The following NBAS variants were observed in gnomAD, a reference collection of about 807,000 sequenced individuals.
NBAS encodes NAG/BC035112 fusion.
In NBAS, 219 loss-of-function variants were observed where a neutral mutation model predicts 302.5. The ratio of observed to expected loss-of-function variants is 0.72; its 90% CI spans 0.65 to 0.81. NBAS has a LOEUF of 0.81. NBAS is among the 30% of genes least tolerant of loss of function. The pLI is 0.00. For synonymous variants in NBAS, 1,118 were observed against 1,021.6 expected (o/e 1.09, Z -1.80); for missense variants, 2,932 against 2,841.6 (o/e 1.03, Z -0.72).
intron 48 of NBAS, among the ~76,000 whole-genome samples, chr2:15,217,307 C>G (rs933132555): frequency 2.0e-5 from 3 of 152,222 alleles, no homozygotes; most frequent in African/African-American, 7.2e-5. Context: ...TTTGATAGGT[C>G]TATCTTTTTT....
chr2:15,289,738 C>T (rs1670216326), intron 41 of NBAS, among the ~76,000 whole-genome samples: 1 of 152,156 alleles, frequency 6.6e-6, no homozygotes, highest in Admixed American at 6.5e-5. Flanking sequence ...TGGCTCATGC[C>T]TGTAATCCTA....
intron 7 of NBAS, chr2:15,538,463 C>A: frequency 3.4e-6 from 1 of 293,516 alleles, no homozygotes; most frequent in Non-Finnish European, 7.1e-6. Context: ...ATATTAATAC[C>A]CAGGCCCCAC....
chr2:14,987,619 T>C, the NBAS span, among the ~76,000 whole-genome samples: 4 of 152,020 alleles, frequency 2.6e-5, no homozygotes, highest in Admixed American at 6.6e-5. Context: ...TGTCAAAATA[T>C]CAAACAAAAA....
intron 41 of NBAS, among the ~76,000 whole-genome samples, chr2:15,291,089 C>T (rs530825548): frequency 2.0e-4 from 30 of 152,286 alleles, no homozygotes; most frequent in African/African-American, 2.9e-4. Context: ...ATTAAATGTA[C>T]GCACCATTTT....
the NBAS span, among the ~76,000 whole-genome samples, chr2:15,083,149 A>G: frequency 6.6e-6 from 1 of 152,196 alleles, no homozygotes; most frequent in African/African-American, 2.4e-5. Context: ...GAGGGACAGC[A>G]ACTTGCCCAG....
the NBAS span, among the ~76,000 whole-genome samples, chr2:15,115,275 T>A: frequency 2.6e-5 from 4 of 152,116 alleles, no homozygotes; most frequent in African/African-American, 9.7e-5. Flanking sequence ...ATTGTTTCAA[T>A]CCCTGGGGAA....
At chr2:15,164,070 T>G (rs1333468733), downstream of NBAS, among the ~76,000 whole-genome samples, 2 of 152,220 alleles carry the variant, frequency 1.3e-5, no homozygotes, top group Non-Finnish European at 2.9e-5. Context: ...GTATTGGGAT[T>G]ACAGGTGTGA....
intron 12 of NBAS, 119 bp from the exon 13 acceptor site, chr2:15,478,408 C>A: frequency 1.3e-6 from 1 of 746,304 alleles, no homozygotes; most frequent in Non-Finnish European, 2.3e-6. Context: ...CTCTCAATTA[C>A]AACTAATTGA....
chr2:15,036,470 G>A, the NBAS span, among the ~76,000 whole-genome samples: 10 of 152,068 alleles, frequency 6.6e-5, no homozygotes, highest in Non-Finnish European at 1.5e-4. Context: ...AGATCACATC[G>A]GTAATATGAC....
At chr2:14,995,988 C>G in the NBAS span, among the ~76,000 whole-genome samples, 2 of 151,964 alleles carry the variant, frequency 1.3e-5, no homozygotes, top group Admixed American at 1.3e-4. Flanking sequence ...TTAGGTGCCC[C>G]CCATGTACTC....
chr2:14,996,717 C>T, the NBAS span, among the ~76,000 whole-genome samples: 5 of 152,192 alleles, frequency 3.3e-5, no homozygotes, highest in African/African-American at 1.2e-4. Flanking sequence ...CTCTTTCTGC[C>T]TTCCAAAGGG....
At chr2:14,899,003 G>T in the NBAS span, among the ~76,000 whole-genome samples, 1 of 152,142 alleles carries the variant, frequency 6.6e-6, no homozygotes, top group African/African-American at 2.4e-5. Context: ...GGCTAAATGG[G>T]TCTCATCTGG....
intron 27 of NBAS, 89 bp from the exon 28 acceptor site, chr2:15,394,438 T>G: frequency 7.1e-7 from 1 of 1,415,680 alleles, no homozygotes; most frequent in South Asian, 1.2e-5. Context: ...CTTCAGTGTT[T>G]AGTATTAAAA....
At chr2:15,160,602 G>GGGGGGGGGGGGGGGGC in the NBAS span, among the ~76,000 whole-genome samples, 1 of 122,600 alleles carries the variant, frequency 8.2e-6, no homozygotes, top group African/African-American at 3.1e-5. Flanking sequence ...AGGGGGGGGG[G>GGGGGGGGGGGGGGGGC]CAGGAGGCTG....
At chr2:15,314,520 G>A (rs1396131936) in intron 38 of NBAS, among the ~76,000 whole-genome samples, 1 of 152,146 alleles carries the variant, frequency 6.6e-6, no homozygotes, top group Non-Finnish European at 1.5e-5. Flanking sequence ...GCAAGCTCCT[G>A]CCCGTGCCAT....
At chr2:15,229,074 G>A (rs1667264417) in intron 47 of NBAS, among the ~76,000 whole-genome samples, 1 of 152,056 alleles carries the variant, frequency 6.6e-6, no homozygotes, top group African/African-American at 2.4e-5. Flanking sequence ...GGGCGTTGTG[G>A]CTCATGCCTG....
intron 9 of NBAS, among the ~76,000 whole-genome samples, chr2:15,517,613 T>C (rs1407659922): frequency 1.3e-5 from 2 of 152,172 alleles, no homozygotes; most frequent in Admixed American, 1.3e-4. Flanking sequence ...ACGTAGTAGG[T>C]ACGTAGTTTT....
At chr2:15,533,645 G>T (rs1166130485) in intron 9 of NBAS, among the ~76,000 whole-genome samples, 1 of 151,682 alleles carries the variant, frequency 6.6e-6, no homozygotes, top group African/African-American at 2.4e-5. Flanking sequence ...CGATGGGATT[G>T]GGGAAGAGCA....
chr2:15,194,772 T>C (rs1176223940), intron 48 of NBAS, among the ~76,000 whole-genome samples: 1 of 152,180 alleles, frequency 6.6e-6, no homozygotes, highest in Non-Finnish European at 1.5e-5. Flanking sequence ...GACCCAAATA[T>C]GGAGGTGAGA....
Sources: allele counts gnomAD v4.1 joint callset (sites outside exome capture counted in the v4.1 genomes callset), GRCh38; gene constraint gnomAD v4.1.1; transcripts MANE v1.5; gene names NCBI Gene and HGNC (gene_info 2026-07-23, HGNC 2026-07-21).